JARID2: variants seen among roughly 807,000 people sequenced by gnomAD.
JARID2 encodes protein Jumonji.
In JARID2, 21 loss-of-function variants were observed where a neutral mutation model predicts 125.6. That is an observed-to-expected ratio of 0.17 (90% CI 0.12 to 0.24). The LOEUF (loss-of-function observed/expected upper bound fraction) is 0.24, where lower values mean the gene tolerates loss of function less well. Ranked by LOEUF, JARID2 falls within the 10% of genes least tolerant of loss-of-function variation. The probability of loss-of-function intolerance (pLI) is 1.00; values close to 1 mark genes in which losing one functional copy is unlikely to be tolerated. For synonymous variants in JARID2, 736 were observed against 661.6 expected, an observed-to-expected ratio of 1.11 and a Z score of -1.73; for missense variants, 1,303 against 1,639.6, an observed-to-expected ratio of 0.79 and a Z score of 3.55.
intron 1 of JARID2, among the ~76,000 whole-genome samples, chr6:15,283,032 G>T (rs540875045): frequency 1.1e-4 from 16 of 151,762 alleles, no homozygotes; most frequent in African/African-American, 3.9e-4. Flanking sequence ...AGGCTGGAGT[G>T]TAGTGGCGCG....
intron 3 of JARID2, among the ~76,000 whole-genome samples, chr6:15,446,942 GACCCAGGGTGGGTC>G (rs1165868855): frequency 1.6e-4 from 24 of 152,238 alleles, no homozygotes; most frequent in African/African-American, 5.5e-4. Flanking sequence ...CAAGCTATGT[GACCCAGGGTGGGTC>G]TCACCCTTCT....
chr6:15,512,279 C>T lies in JARID2; in HGVS notation c.3024C>T (p.Val1008=), dbSNP rs1263162931. The T allele has an allele frequency of 5.6e-6, 9 of 1,613,994 alleles. No homozygotes were observed. Among genetic ancestry groups the T allele is most frequent in the African/African-American group, 1.3e-5 (1 of 74,906 alleles). The change falls in exon 14 of 18, where the codon GTC becomes GTT. Residue 1008 remains valine, a synonymous_variant. Coordinates refer to ENST00000341776, the MANE Select transcript of JARID2 (RefSeq NM_004973.4). ...CCGTGCAGCAGAGTGGCCAGTTTGT[C>T]GTCTGCTTCCCGGGATCCTTTGTGT... ...HRTVQQSGQF[V]VCFPGSFVSK...
At chr6:15,519,750 G>C (rs1311384578) in intron 17 of JARID2, among the ~76,000 whole-genome samples, 3 of 152,162 alleles carry the variant, frequency 2.0e-5, no homozygotes, top group African/African-American at 7.2e-5. Context: ...AAAGCCCCTG[G>C]GTCTCTTTGC....
chr6:15,344,535 CTTTT>C (rs58040233), intron 1 of JARID2, among the ~76,000 whole-genome samples: 1 of 144,836 alleles, frequency 6.9e-6, no homozygotes. Context: ...GTGTACAATT[CTTTT>C]TTTTTTTTTA....
intron 14 of JARID2, 70 bp downstream of exon 14, chr6:15,512,460 A>G (rs1313119978): frequency 4.3e-6 from 6 of 1,406,452 alleles, no homozygotes; most frequent in Non-Finnish European, 6.0e-6. Context: ...GAGCGCACAC[A>G]GAAGCATCCC....
At chr6:15,480,665 C>T (rs965419658) in intron 5 of JARID2, among the ~76,000 whole-genome samples, 7 of 152,174 alleles carry the variant, frequency 4.6e-5, no homozygotes, top group East Asian at 1.9e-4. Context: ...CTTATATTTG[C>T]GCAACTCCTT....
At position 15,251,442 on chromosome 6, in the gene JARID2, C is replaced by A. The variant is rs576368866; in HGVS notation, c.45+4858C>A. Among the ~76,000 whole-genome samples, 5 of 152,322 alleles carry A rather than the reference C, an allele frequency of 3.3e-5. No individual in the cohort carries two copies. In the South Asian group the frequency reaches 1.0e-3, roughly 32 times the overall value. Reference sequence around the variant, plus strand: ...CTGATGTTACTGGTCCACGTCTCCCCCAGGATTACAGTAGTAGCAGCTCTA... The same window carrying A: ...CTGATGTTACTGGTCCACGTCTCCCACAGGATTACAGTAGTAGCAGCTCTA... On this transcript the variant is annotated intron_variant, in intron 1 of 17. Coordinates refer to ENST00000341776, the MANE Select transcript of JARID2 (RefSeq NM_004973.4).
At chr6:15,508,530 A>G (rs909749375) in intron 12 of JARID2, 76 bp downstream of exon 12, 22 of 823,702 alleles carry the variant, frequency 2.7e-5, no homozygotes, top group Admixed American at 7.2e-5. Context: ...CCTGTGGGTA[A>G]CTTCTTGTCC....
At chr6:15,441,000 G>T (rs1475972422) in intron 3 of JARID2, among the ~76,000 whole-genome samples, 1 of 152,106 alleles carries the variant, frequency 6.6e-6, no homozygotes, top group Non-Finnish European at 1.5e-5. Flanking sequence ...AATGATTAAG[G>T]TCCAGGCAAC....
rs1581659525 is a variant in JARID2, at chr6:15,505,768, C to T, written c.2541+1176C>T. Among the ~76,000 whole-genome samples, 4 of 152,404 alleles carry T rather than the reference C, an allele frequency of 2.6e-5. No homozygotes were observed. The South Asian group carries it at 8.3e-4, about 32-fold the overall frequency. ...GGTCATGATTACCGTGCTGCAGCCG[C>T]CACTGCCTCACCCACCACCAGCCAC... On this transcript the variant is annotated intron_variant, in intron 9 of 17. Transcript: ENST00000341776.
intron 1 of JARID2, among the ~76,000 whole-genome samples, chr6:15,365,344 A>G (rs1302247604): frequency 6.6e-6 from 1 of 152,190 alleles, no homozygotes; most frequent in Non-Finnish European, 1.5e-5. Context: ...CGTCAGATCC[A>G]GCACTGCAGG....
chr6:15,356,939 G>T lies in JARID2; in HGVS notation c.46-17178G>T, dbSNP rs1024280892. ...TGAGTCAGGAGTATCACTTGAGCCC[G>T]GGAGGCAGAGGTTGCAGTGAGCTGA... On this transcript the variant is annotated intron_variant, in intron 1 of 17. Transcript: ENST00000341776. 3.3e-5 allele frequency among the ~76,000 whole-genome samples: 3 copies of T among 90,648 alleles called. No individual in the cohort carries two copies. In the East Asian group the frequency reaches 1.1e-3, roughly 32 times the overall value. 59.5% of individuals were successfully genotyped at this position (90,648 alleles called of 152,430 possible). A position where few individuals can be genotyped will look rare whatever the true frequency, so the allele number is the denominator to read the frequency against.
intron 3 of JARID2, among the ~76,000 whole-genome samples, chr6:15,415,598 ACCCCTCCACCTCCCTCCCGGTCGG>A (rs1766128946): frequency 2.5e-5 from 2 of 81,104 alleles, no homozygotes; most frequent in South Asian, 4.4e-4. Flanking sequence ...CGGGGGGCTG[ACCCCTCCACCTCCCTCCCGGTCGG>A]GGCGGCTGGC....
chr6:15,344,600 C>T (rs1392023265), intron 1 of JARID2, among the ~76,000 whole-genome samples: 1 of 151,808 alleles, frequency 6.6e-6, no homozygotes, highest in Non-Finnish European at 1.5e-5. Flanking sequence ...ATTCCCATTC[C>T]TCAGTCTCTG....
chr6:15,341,674 A>G (rs1271171144), intron 1 of JARID2, among the ~76,000 whole-genome samples: 3 of 152,324 alleles, frequency 2.0e-5, no homozygotes, highest in East Asian at 1.9e-4. Context: ...TTTGCCACCT[A>G]TTGTGGGTTT....
At chr6:15,296,538 C>T (rs1761422097) in intron 1 of JARID2, among the ~76,000 whole-genome samples, 1 of 152,164 alleles carries the variant, frequency 6.6e-6, no homozygotes, top group Non-Finnish European at 1.5e-5. Context: ...TTATCCCTCC[C>T]CATCATCCTC....
intron 4 of JARID2, among the ~76,000 whole-genome samples, chr6:15,459,604 T>A (rs1399249428): frequency 2.0e-5 from 3 of 152,104 alleles, no homozygotes; most frequent in African/African-American, 7.2e-5. Context: ...AGAGGAAGAT[T>A]ATTAGATTTT....
chr6:15,403,303 G>C (rs1765509605), intron 2 of JARID2, among the ~76,000 whole-genome samples: 1 of 152,100 alleles, frequency 6.6e-6, no homozygotes, highest in African/African-American at 2.4e-5. Context: ...ATTTATTTTT[G>C]TTGGAGCCTT....
chr6:15,504,532 A>T lies in JARID2; in HGVS notation c.2481A>T (p.Arg827=). ...GRSVSLTTFY[R]TARNIMSMCF... is the part of the protein sequence containing the mutation. ...CTGTTTCTCTAACAACTTTTTATCG[A>T]ACAGCGAGGAATATCATGAGCATGT... The change falls in exon 9 of 18, where the codon CGA becomes CGT. Residue 827 remains arginine (R), a synonymous_variant. Coordinates refer to ENST00000341776, the MANE Select transcript of JARID2 (RefSeq NM_004973.4). The T allele has an allele frequency of 1.9e-6, 3 of 1,614,042 alleles. No homozygotes were observed. The highest frequency in any genetic ancestry group is 2.5e-6 in the Non-Finnish European group (3 of 1,179,940).
Sources: gnomAD v4.1 joint callset for allele counts (sites outside exome capture counted in the v4.1 genomes callset) on GRCh38, gnomAD v4.1.1 for gene constraint, MANE v1.5 for transcripts, NCBI Gene and HGNC (gene_info 2026-07-23, HGNC 2026-07-21) for gene names.